Variants in TENM4 observed in about 807,000 individuals in gnomAD.
TENM4 encodes teneurin transmembrane protein 4, also known as teneurin-4.
In TENM4, 82 loss-of-function variants were observed where a neutral mutation model predicts 243.3. The ratio of observed to expected loss-of-function variants is 0.34; its 90% CI spans 0.28 to 0.40. TENM4 has a LOEUF of 0.40. TENM4 is among the 10% of genes least tolerant of loss of function. The pLI is 1.00. For synonymous variants in TENM4, 1,412 were observed against 1,456.3 expected (o/e 0.97, Z 0.69); for missense variants, 3,138 against 3,673.3 (o/e 0.85, Z 3.77).
chr11:79,242,602 T>C (rs1180188184), intron 2 of TENM4, among the ~76,000 whole-genome samples: 1 of 152,198 alleles, frequency 6.6e-6, no homozygotes, highest in Non-Finnish European at 1.5e-5. Context: ...CATTTCCCCA[T>C]GTCATTAAAA....
intron 2 of TENM4, among the ~76,000 whole-genome samples, chr11:79,235,015 C>T (rs1283354773): frequency 6.6e-6 from 1 of 152,156 alleles, no homozygotes; most frequent in African/African-American, 2.4e-5. Context: ...AAAATCCCAT[C>T]AGAAGTCTCC....
intron 1 of TENM4, among the ~76,000 whole-genome samples, chr11:79,329,832 T>C (rs1286262821): frequency 6.6e-6 from 1 of 152,110 alleles, no homozygotes; most frequent in African/African-American, 2.4e-5. Context: ...TCATTCTGAG[T>C]GTTCTGGGAA....
In TENM4 at chr11:78,856,113, G is replaced by A. The variant is rs1248881354; in HGVS notation, c.1321C>T (p.Arg441Ter). The A allele has an allele frequency of 1.3e-6, 2 of 1,551,590 alleles. No individual in the cohort carries two copies. The highest frequency in any genetic ancestry group is 1.7e-6 in the Non-Finnish European group (2 of 1,146,954). Residue 441 changes from arginine to a stop codon, truncating the protein, a stop_gained, in exon 11 of 34, where the codon CGA becomes TGA. Coordinates refer to ENST00000278550, the MANE Select transcript of TENM4 (RefSeq NM_001098816.3). LOFTEE classifies it high-confidence loss of function. ...CCAGGAGGAATCTTCTGGGAAGCTC[G>A]CCTTCCCACATCAATTTCTCCAGAA... ...IDSGEIDVGRRASQKIPPGTF... is the reference protein window; with the variant it reads ...IDSGEIDVGR
At chr11:79,193,204 T>A (rs1863551560) in intron 3 of TENM4, 1 of 152,264 alleles carries the variant, frequency 6.6e-6, no homozygotes, top group South Asian at 2.1e-4. Context: ...TTCTAGAATT[T>A]TACTCATCCT....
At chr11:79,119,420 C>T (rs956609524) in intron 4 of TENM4, among the ~76,000 whole-genome samples, 1 of 151,904 alleles carries the variant, frequency 6.6e-6, no homozygotes, top group African/African-American at 2.4e-5. Flanking sequence ...TCCATACCCA[C>T]TTCAGGTCAT....
At chr11:79,260,789 G>A (rs1378469770) in intron 2 of TENM4, among the ~76,000 whole-genome samples, 2 of 152,198 alleles carry the variant, frequency 1.3e-5, no homozygotes, top group Non-Finnish European at 2.9e-5. Flanking sequence ...CACCTGCCCA[G>A]TATTCCCTAC....
At chr11:78,903,682 G>T in intron 6 of TENM4, 159 bp from the exon 7 acceptor site, 1 of 1,202,920 alleles carries the variant, frequency 8.3e-7, no homozygotes, top group Non-Finnish European at 1.2e-6. Context: ...TGTTTATTGA[G>T]CACCTACCAT....
At chr11:78,880,916 T>G (rs1444981608) in intron 9 of TENM4, among the ~76,000 whole-genome samples, 1 of 151,294 alleles carries the variant, frequency 6.6e-6, no homozygotes, top group African/African-American at 2.4e-5. Flanking sequence ...GAGAGGGGGG[T>G]TGACTTCAAA....
At chr11:79,087,342 G>A (rs1161748453) in intron 4 of TENM4, among the ~76,000 whole-genome samples, 1 of 152,186 alleles carries the variant, frequency 6.6e-6, no homozygotes, top group African/African-American at 2.4e-5. Flanking sequence ...CTACCCCCCA[G>A]TTAGAAGGGA....
intron 4 of TENM4, among the ~76,000 whole-genome samples, chr11:79,073,201 T>C (rs886625730): frequency 6.6e-6 from 1 of 152,212 alleles, no homozygotes. Flanking sequence ...TTATGCCCTC[T>C]AGCAGCCCTG....
intron 26 of TENM4, among the ~76,000 whole-genome samples, chr11:78,709,352 G>A (rs1202212362): frequency 2.6e-5 from 4 of 152,124 alleles, no homozygotes; most frequent in Non-Finnish European, 4.4e-5. Flanking sequence ...ATGGATTTGT[G>A]TAGAGAATAT....
chr11:78,994,516 A>G (rs1175544446), intron 6 of TENM4, among the ~76,000 whole-genome samples: 1 of 152,212 alleles, frequency 6.6e-6, no homozygotes, highest in Non-Finnish European at 1.5e-5. Flanking sequence ...CGACCATGTA[A>G]CTTGTGTAGT....
At chr11:79,027,455 G>A (rs1859109426) in intron 6 of TENM4, among the ~76,000 whole-genome samples, 1 of 152,178 alleles carries the variant, frequency 6.6e-6, no homozygotes, top group Non-Finnish European at 1.5e-5. Flanking sequence ...GTAGTTTTTG[G>A]CTGAGAGCGA....
At chr11:79,352,049 A>T (rs1032402182) in intron 1 of TENM4, among the ~76,000 whole-genome samples, 83 of 152,260 alleles carry the variant, frequency 5.5e-4, no homozygotes, top group African/African-American at 2.0e-3. Context: ...TAAAATGAAA[A>T]GAGATAACAT....
At chr11:78,838,124 A>G (rs1288697879) in intron 12 of TENM4, among the ~76,000 whole-genome samples, 1 of 152,232 alleles carries the variant, frequency 6.6e-6, no homozygotes, top group Non-Finnish European at 1.5e-5. Flanking sequence ...TTAGGCTAAA[A>G]AAAAGATACA....
At chr11:79,009,758 T>C (rs556586704) in intron 6 of TENM4, among the ~76,000 whole-genome samples, 2 of 152,296 alleles carry the variant, frequency 1.3e-5, no homozygotes, top group South Asian at 4.2e-4. Context: ...TAGTCTGGCA[T>C]CCAAGCCTCC....
At chr11:78,989,735 G>C (rs1325649776) in intron 6 of TENM4, among the ~76,000 whole-genome samples, 1 of 152,160 alleles carries the variant, frequency 6.6e-6, no homozygotes, top group Non-Finnish European at 1.5e-5. Context: ...AATGAATGCA[G>C]CAATGGCCTA....
intron 6 of TENM4, among the ~76,000 whole-genome samples, chr11:78,951,610 C>G (rs770649676): frequency 1.3e-5 from 2 of 152,204 alleles, no homozygotes; most frequent in African/African-American, 4.8e-5. Context: ...GGTGAGGGCT[C>G]TCTTCGTGGC....
intron 6 of TENM4, among the ~76,000 whole-genome samples, chr11:78,936,749 T>G (rs1429210763): frequency 6.6e-6 from 1 of 152,138 alleles, no homozygotes; most frequent in Non-Finnish European, 1.5e-5. Flanking sequence ...TAAAATAAAA[T>G]AGTGAATAAC....
Sources: gnomAD v4.1 joint callset for allele counts (sites outside exome capture counted in the v4.1 genomes callset) on GRCh38, gnomAD v4.1.1 for gene constraint, MANE v1.5 for transcripts, NCBI Gene and HGNC (gene_info 2026-07-23, HGNC 2026-07-21) for gene names.